Variants in CFAP61 observed in about 807,000 individuals in gnomAD.
The protein encoded by CFAP61 is cilia and flagella associated protein 61.
In CFAP61, 107 loss-of-function variants were observed where a neutral mutation model predicts 135.6. The ratio of observed to expected loss-of-function variants is 0.79; its 90% confidence interval spans 0.67 to 0.93. CFAP61 has a LOEUF of 0.93. Among genes scored for constraint, CFAP61 ranks in the 40% least tolerant of loss-of-function variants. The pLI, the probability that CFAP61 is intolerant of heterozygous loss-of-function variation, is 0.00. For missense variants in CFAP61, 1,507 were observed against 1,556.2 expected (o/e 0.97, Z 0.53); for synonymous variants, 575 against 578.5 (o/e 0.99, Z 0.09).
chr20:20,237,857 C>T (rs1320105325), intron 18 of CFAP61, among the ~76,000 whole-genome samples: 1 of 152,074 alleles, frequency 6.6e-6, no homozygotes, highest in East Asian at 1.9e-4. Context: ...TCCCCGTTTT[C>T]TGAAATTCAT....
intron 10 of CFAP61, among the ~76,000 whole-genome samples, chr20:20,162,233 C>T (rs764811376): frequency 6.0e-4 from 91 of 152,270 alleles, no homozygotes; most frequent in Non-Finnish European, 1.2e-3. Flanking sequence ...TGGGCCCACC[C>T]GGATCATCTA....
intron 9 of CFAP61, among the ~76,000 whole-genome samples, chr20:20,147,889 AGATTT>A (rs1294632815): frequency 2.0e-5 from 3 of 152,162 alleles, no homozygotes; most frequent in Non-Finnish European, 4.4e-5. Context: ...TTCAGGTCTT[AGATTT>A]AAGTCTTTAA....
intron 25 of CFAP61, among the ~76,000 whole-genome samples, chr20:20,308,816 T>G (rs2056637914): frequency 6.6e-6 from 1 of 152,146 alleles, no homozygotes; most frequent in Non-Finnish European, 1.5e-5. Flanking sequence ...CCTTTATAGA[T>G]TTTCTTCCTC....
At chr20:20,262,220 G>C (rs1345717360) in intron 20 of CFAP61, among the ~76,000 whole-genome samples, 1 of 152,150 alleles carries the variant, frequency 6.6e-6, no homozygotes, top group Non-Finnish European at 1.5e-5. Context: ...CCCTGGTCCT[G>C]GGCAGGCCTT....
At chr20:20,228,473 TG>T in intron 18 of CFAP61, 97 bp downstream of exon 18, 1 of 1,029,594 alleles carries the variant, frequency 9.7e-7, no homozygotes, top group East Asian at 2.4e-5. Flanking sequence ...GACCTGAGAT[TG>T]TTTGGTACTC....
At chr20:20,258,676 G>T (rs763369490) in intron 20 of CFAP61, 1 of 152,166 alleles carries the variant, frequency 6.6e-6, no homozygotes, top group Non-Finnish European at 1.5e-5. Context: ...ACAGCTTTCC[G>T]ATAGAGTGAA....
At chr20:20,166,338 G>T (rs374209792) in intron 11 of CFAP61, 59 bp from the exon 12 acceptor site, 1 of 1,409,440 alleles carries the variant, frequency 7.1e-7, no homozygotes. Flanking sequence ...CTCTGTAAAC[G>T]TCCACTGATG....
rs1437231983 is a variant in CFAP61 at position 20,298,503 on chromosome 20, T to C, written c.3422+117T>C. 6.1e-6 allele frequency: 5 copies of C among 825,734 alleles called. No homozygotes were observed. The African/African-American group carries it at 6.8e-5, about 11-fold the overall frequency. 51.2% of individuals were successfully genotyped at this position (825,734 alleles called of 1,614,324 possible). A position where few individuals can be genotyped will look rare whatever the true frequency, so the allele number is the denominator to read the frequency against. Reference sequence around the variant, plus strand: ...CAAAACGGGAATCCCAGAGAGAGGCTGTGTGGCAGAGATTTCGTTCTAATG... The same window carrying C: ...CAAAACGGGAATCCCAGAGAGAGGCCGTGTGGCAGAGATTTCGTTCTAATG... On this transcript the variant is annotated intron_variant, in intron 25 of 26. Coordinates refer to ENST00000245957, the MANE Select transcript of CFAP61 (RefSeq NM_015585.4).
chr20:20,302,195 AT>A (rs1367385190), intron 25 of CFAP61, among the ~76,000 whole-genome samples: 1 of 152,188 alleles, frequency 6.6e-6, no homozygotes, highest in Non-Finnish European at 1.5e-5. Context: ...AGATGAACTA[AT>A]TTTAGTATGG....
intron 9 of CFAP61, among the ~76,000 whole-genome samples, chr20:20,150,207 C>T (rs933130791): frequency 1.3e-5 from 2 of 152,044 alleles, no homozygotes; most frequent in African/African-American, 4.8e-5. Flanking sequence ...TTCAGTAAGC[C>T]CTGCTCAAGG....
chr20:20,286,753 C>T (rs540300766), intron 22 of CFAP61, among the ~76,000 whole-genome samples: 7 of 152,284 alleles, frequency 4.6e-5, no homozygotes, highest in African/African-American at 1.4e-4. Flanking sequence ...CTACAAACTC[C>T]TATGAAACCC....
At chr20:20,294,371 A>G (rs1773614337) in intron 24 of CFAP61, among the ~76,000 whole-genome samples, 2 of 152,250 alleles carry the variant, frequency 1.3e-5, no homozygotes, top group Admixed American at 1.3e-4. Context: ...TGTATTTAAC[A>G]TGAATACAAC....
chr20:20,173,002 C>T (rs1396351811), intron 13 of CFAP61, among the ~76,000 whole-genome samples: 2 of 152,156 alleles, frequency 1.3e-5, no homozygotes, highest in Non-Finnish European at 2.9e-5. Flanking sequence ...CATAATTTTA[C>T]ATTTACAGAA....
intron 21 of CFAP61, among the ~76,000 whole-genome samples, chr20:20,274,278 A>G (rs1379914941): frequency 1.3e-5 from 2 of 152,212 alleles, no homozygotes; most frequent in Non-Finnish European, 2.9e-5. Flanking sequence ...ATCCTTTACA[A>G]AGTAAATGTG....
At chr20:20,226,703 A>G (rs574968802) in intron 17 of CFAP61, among the ~76,000 whole-genome samples, 2 of 152,214 alleles carry the variant, frequency 1.3e-5, no homozygotes, top group Non-Finnish European at 2.9e-5. Flanking sequence ...CTAGAAAACA[A>G]GAAGGCTTCT....
chr20:20,089,796 G>A (rs1568874687), intron 6 of CFAP61, among the ~76,000 whole-genome samples: 1 of 152,164 alleles, frequency 6.6e-6, no homozygotes, highest in Non-Finnish European at 1.5e-5. Flanking sequence ...CAAGGTCTCT[G>A]TAGAGGGTCC....
At chr20:20,104,906 C>G (rs1017282251) in intron 8 of CFAP61, among the ~76,000 whole-genome samples, 46 of 152,192 alleles carry the variant, frequency 3.0e-4, no homozygotes, top group African/African-American at 1.1e-3. Flanking sequence ...ACACCAGTCA[C>G]AATGCATTAG....
At chr20:20,319,529 G>C (rs944072950) in intron 25 of CFAP61, among the ~76,000 whole-genome samples, 2 of 152,154 alleles carry the variant, frequency 1.3e-5, no homozygotes, top group Non-Finnish European at 2.9e-5. Flanking sequence ...AAAGTGCGTA[G>C]CACCTCCCCT....
At chr20:20,171,637 A>G (rs1040408241) in intron 13 of CFAP61, 5 of 436,334 alleles carry the variant, frequency 1.1e-5, no homozygotes, top group Non-Finnish European at 2.0e-5. Flanking sequence ...TTGAAATTTC[A>G]GTAATTTTAT....
Sources: allele counts gnomAD v4.1 joint callset (sites outside exome capture counted in the v4.1 genomes callset), GRCh38; gene constraint gnomAD v4.1.1; transcripts MANE v1.5; gene names NCBI Gene and HGNC (gene_info 2026-07-23, HGNC 2026-07-21).